Variants in TKFC observed in about 807,000 individuals in gnomAD.
The protein encoded by TKFC is triokinase/FMN cyclase.
In TKFC, 46 loss-of-function variants were observed where a neutral mutation model predicts 61.0. That is an observed-to-expected ratio of 0.75 (90% confidence interval 0.60 to 0.96). The LOEUF is 0.96. TKFC is among the 50% of genes least tolerant of loss of function. The probability of loss-of-function intolerance (pLI) is 0.00; values close to 1 mark genes in which losing one functional copy is unlikely to be tolerated. For missense variants in TKFC, 715 were observed against 777.5 expected, an observed-to-expected ratio of 0.92 and a Z score of 0.96; for synonymous variants, 314 against 330.1, an observed-to-expected ratio of 0.95 and a Z score of 0.53.
Position 61,346,644 on chromosome 11 carries a change from T to C in TKFC, c.*141T>C. ...ACCCTCTAAGTTGAGCAGGAAATCC[T>C]CCACCAAGCTTCCAGAACTACAGAC... On this transcript the variant is annotated 3_prime_UTR_variant, in exon 18 of 18. Coordinates refer to ENST00000394900, the MANE Select transcript of TKFC (RefSeq NM_015533.4). The surrounding 1 kb of genome is among the most constrained non-coding windows in gnomAD (Gnocchi z 4.1). The C allele has an allele frequency of 6.8e-7, 1 of 1,465,912 alleles. No individual in the cohort carries two copies. Among genetic ancestry groups the C allele is most frequent in the Non-Finnish European group, 9.0e-7 (1 of 1,114,322 alleles). The allele number at this position is 1,465,912 out of a possible 1,614,324, so 90.8% of individuals were successfully genotyped here.
Position 61,348,249 on chromosome 11 carries a change from A to G in TKFC, c.*1746A>G. The G allele has an allele frequency of 3.0e-6, 3 of 985,402 alleles. No homozygotes were observed. The highest frequency in any genetic ancestry group is 3.6e-6 in the Non-Finnish European group (3 of 829,930). The allele number at this position is 985,402 out of a possible 1,614,324, so 61.0% of individuals were successfully genotyped here. A position where few individuals can be genotyped will look rare whatever the true frequency, so the allele number is the denominator to read the frequency against. The stretch of plus-strand genomic sequence containing the variant: ...TTGTTTTCTCAGATTATGAAATAGG[A>G]AAAATTTCCTTCCTCGTGAGATAAG... On this transcript the variant is annotated 3_prime_UTR_variant, in exon 18 of 18. Coordinates refer to ENST00000394900, the MANE Select transcript of TKFC (RefSeq NM_015533.4).
chr11:61,334,647 G>C lies in TKFC; in HGVS notation c.-82G>C. Reference sequence around the variant, plus strand: ...GCTGCTGCTGCCTCCACTGTACTCAGACCCAGGTAGCACAGGATTGTCCAT... The same window carrying C: ...GCTGCTGCTGCCTCCACTGTACTCACACCCAGGTAGCACAGGATTGTCCAT... On this transcript the variant is annotated 5_prime_UTR_variant, in exon 2 of 18. Transcript: ENST00000394900. 1.9e-6 allele frequency: 3 copies of C among 1,601,338 alleles called. No homozygotes were observed. The highest frequency in any genetic ancestry group is 2.6e-6 in the Non-Finnish European group (3 of 1,170,152).
rs1423187304 is a variant in TKFC, at chr11:61,339,319, C to T, written c.370C>T (p.Gln124Ter). ...DRLNFGLARE[Q>*]ARAEGIPVEM... ...GCTCAACTTCGGCCTGGCCCGGGAGCAGGCCCGGGCTGAAGGCATCCCGGT... is the reference window on the plus strand; with the variant it reads ...GCTCAACTTCGGCCTGGCCCGGGAGTAGGCCCGGGCTGAAGGCATCCCGGT... Residue 124 changes from glutamine to a stop codon, truncating the protein, a stop_gained, in exon 5 of 18, where the codon CAG becomes TAG. Coordinates refer to ENST00000394900, the MANE Select transcript of TKFC (RefSeq NM_015533.4). LOFTEE classifies it high-confidence loss of function. 74 of 1,613,794 alleles carry T rather than the reference C, an allele frequency of 4.6e-5. No homozygotes were observed. The highest frequency in any genetic ancestry group is 6.0e-5 in the Non-Finnish European group (71 of 1,180,028).
chr11:61,344,437 C>T (rs1045211840), intron 13 of TKFC, among the ~76,000 whole-genome samples, 164 bp downstream of exon 13: 1 of 140,552 alleles, frequency 7.1e-6, no homozygotes, highest in Admixed American at 7.0e-5. Context: ...GATCTCGGCT[C>T]ACTGCAGTCT....
chr11:61,348,289 T>C lies in TKFC; in HGVS notation c.*1786T>C. ...CGTGAGATAAGCACGTGCCATTAGC[T>C]ATTAAGGACACGCACATAAATGAGC... On this transcript the variant is annotated 3_prime_UTR_variant, in exon 18 of 18. Coordinates refer to ENST00000394900, the MANE Select transcript of TKFC (RefSeq NM_015533.4). The C allele has an allele frequency of 1.0e-6, 1 of 985,376 alleles. No homozygotes were observed. The allele number at this position is 985,376 out of a possible 1,614,324, so 61.0% of individuals were successfully genotyped here.
At chr11:61,342,311 A>C in intron 7 of TKFC, 150 bp from the exon 8 acceptor site, 1 of 993,428 alleles carries the variant, frequency 1.0e-6, no homozygotes, top group Non-Finnish European at 1.6e-6. Context: ...CCCAGAGAAC[A>C]GAGATCGTGT....
At chr11:61,334,807 T>C in intron 2 of TKFC, 76 bp downstream of exon 2, 1 of 1,605,964 alleles carries the variant, frequency 6.2e-7, no homozygotes. Context: ...AAGCTAAAGC[T>C]CCTTACACTT....
chr11:61,350,597 A>G (rs954474102), downstream of TKFC: 3 of 739,788 alleles, frequency 4.1e-6, no homozygotes, highest in African/African-American at 1.8e-5. Context: ...CCTACATCCC[A>G]TCAAGACCTG....
At chr11:61,351,137 T>C, downstream of TKFC, 1 of 1,608,236 alleles carries the variant, frequency 6.2e-7, no homozygotes, top group East Asian at 2.2e-5. Flanking sequence ...TATGGCCTGG[T>C]GGTGTTTTTC....
chr11:61,350,927 C>T (rs185712346), downstream of TKFC: 7,283 of 1,534,286 alleles, frequency 4.7e-3, 28 homozygotes, highest in Middle Eastern at 8.0e-3. Context: ...CCCAGCCTTT[C>T]GTGGGAGATC....
chr11:61,333,968 A>G (rs143192032), intron 1 of TKFC: 2 of 152,324 alleles, frequency 1.3e-5, no homozygotes, highest in Non-Finnish European at 2.9e-5. Flanking sequence ...GATTCTTCCT[A>G]TTGTGCACCC....
chr11:61,349,583 C>T (rs1344204518), downstream of TKFC: 39 of 702,838 alleles, frequency 5.5e-5, no homozygotes, highest in Non-Finnish European at 6.8e-5. Context: ...GGCTGCCTGC[C>T]GGTGACAGAC....
chr11:61,350,498 A>AC (rs1857347604), downstream of TKFC: 4 of 1,565,116 alleles, frequency 2.6e-6, no homozygotes, highest in Admixed American at 3.8e-5. Flanking sequence ...GTTCAGACAG[A>AC]CCCCCAGCCT....
intron 2 of TKFC, among the ~76,000 whole-genome samples, chr11:61,334,978 C>A (rs569317655): frequency 2.6e-5 from 4 of 152,296 alleles, no homozygotes; most frequent in Non-Finnish European, 5.9e-5. Flanking sequence ...GCCACTCTGC[C>A]CCTTATCTGG....
rs1161424117 is a variant in TKFC, at chr11:61,342,634, G to A, written c.751G>A (p.Ala251Thr). 12 of 1,614,030 alleles carry A rather than the reference G, an allele frequency of 7.4e-6. No individual in the cohort carries two copies. The highest frequency in any genetic ancestry group is 1.6e-4 in the Middle Eastern group (1 of 6,062). The change falls in exon 9 of 18, where the codon GCG (alanine) becomes ACG (threonine). Residue 251 changes from alanine (A) to threonine (T), a missense_variant. Ala to Thr is a moderately conservative substitution (Grantham distance 58). Coordinates refer to ENST00000394900, the MANE Select transcript of TKFC (RefSeq NM_015533.4). ...MLDHMTNTTN[A>T]SHVPVQPGSS... ...CGACCACATGACAAACACCACCAAC[G>A]CGTCCCATGTGCCTGTGCAGCCCGG...
At position 61,346,746 on chromosome 11, in the gene TKFC, T is replaced by C; in HGVS notation, c.*243T>C. On this transcript the variant is annotated 3_prime_UTR_variant, in exon 18 of 18. Transcript: ENST00000394900. The surrounding 1 kb of genome is among the most constrained non-coding windows in gnomAD (Gnocchi z 4.1). ...TCCCTTTGCAGGAGGGTGGAGTCCCTGGGTCATGCCCTCCCCTGCCAGCTC... is the reference window on the plus strand; with the variant it reads ...TCCCTTTGCAGGAGGGTGGAGTCCCCGGGTCATGCCCTCCCCTGCCAGCTC... The C allele has an allele frequency of 7.8e-7, 1 of 1,278,610 alleles. No homozygotes were observed. The highest frequency in any genetic ancestry group is 2.7e-5 in the South Asian group (1 of 36,654). The allele number at this position is 1,278,610 out of a possible 1,614,324, so 79.2% of individuals were successfully genotyped here.
rs778654720 is a variant in TKFC at position 61,346,304 on chromosome 11, G to A, written c.1576-47G>A. The A allele has an allele frequency of 1.4e-5, 22 of 1,609,080 alleles. 1 individual carries two copies. In the Middle Eastern group the frequency reaches 1.2e-3, roughly 85 times the overall value. On this transcript the variant is annotated intron_variant, in intron 17 of 17. Transcript: ENST00000394900. This position sits in a 1 kb window ranked among gnomAD's most constrained non-coding sequence, Gnocchi z 4.1. ...GTTCTGCCCATGGCAGGAAGGAGGC[G>A]GCCTGGTGATCTGCCCTTGAACCTG...
At chr11:61,350,455 G>C (rs191683631), downstream of TKFC, 17 of 1,609,702 alleles carry the variant, frequency 1.1e-5, no homozygotes, top group Middle Eastern at 1.7e-4. Context: ...AGGAGTTAAT[G>C]ACATGATGCA....
At position 61,339,270 on chromosome 11, in the gene TKFC, C is replaced by T. The variant is rs1444662803; in HGVS notation, c.321C>T (p.Ile107=). Residue 107 remains isoleucine, a synonymous_variant, in exon 5 of 18, where the codon ATC becomes ATT. Transcript: ENST00000394900. Reference sequence around the variant, plus strand: ...CTCCCGCAGTGGGGACGCTCCTTATCGTGAAGAACTACACTGGGGATCGGC... The same window carrying T: ...CTCCCGCAGTGGGGACGCTCCTTATTGTGAAGAACTACACTGGGGATCGGC... ...AQAGTVGTLL[I]VKNYTGDRLN... 8.7e-6 allele frequency: 14 copies of T among 1,613,260 alleles called. No homozygotes were observed. Among genetic ancestry groups the T allele is most frequent in the South Asian group, 3.3e-5 (3 of 91,044 alleles).
Sources: allele counts gnomAD v4.1 joint callset (sites outside exome capture counted in the v4.1 genomes callset), GRCh38; gene constraint gnomAD v4.1.1; non-coding constraint Gnocchi (gnomAD v3.1); transcripts MANE v1.5; gene names NCBI Gene and HGNC (gene_info 2026-07-23, HGNC 2026-07-21).